ZNF609: variants seen among roughly 807,000 people sequenced by gnomAD.
The protein encoded by ZNF609 is zinc finger protein 609.
In ZNF609, 11 loss-of-function variants were observed where a neutral mutation model predicts 109.5. The observed-to-expected ratio is 0.10, with a 90% confidence interval of 0.06 to 0.17. ZNF609 has a LOEUF of 0.17. ZNF609 is among the 10% of genes least tolerant of loss of function. ZNF609 has a pLI of 1.00. For missense variants in ZNF609, 1,559 were observed against 1,772.4 expected, an observed-to-expected ratio of 0.88 and a Z score of 2.16; for synonymous variants, 646 against 662.0, an observed-to-expected ratio of 0.98 and a Z score of 0.37.
At chr15:64,566,995 A>C (rs1894786794) in intron 2 of ZNF609, among the ~76,000 whole-genome samples, 1 of 152,200 alleles carries the variant, frequency 6.6e-6, no homozygotes, top group Non-Finnish European at 1.5e-5. Context: ...TGACTCCTGG[A>C]AAGAGTGAAG....
intron 2 of ZNF609, among the ~76,000 whole-genome samples, chr15:64,561,778 C>T (rs973812881): frequency 2.0e-5 from 3 of 152,000 alleles, no homozygotes; most frequent in Non-Finnish European, 4.4e-5. Flanking sequence ...ACAGTATGGC[C>T]AAAAACCTAT....
chr15:64,519,632 G>A (rs531564105), intron 2 of ZNF609, among the ~76,000 whole-genome samples: 1 of 152,314 alleles, frequency 6.6e-6, no homozygotes, highest in African/African-American at 2.4e-5. Context: ...TATGAACAAT[G>A]GAAGAGTGAT....
rs146606741 is a variant in ZNF609, at chr15:64,488,212, C to T, written c.-127-11081C>T. On this transcript the variant is annotated intron_variant, in intron 1 of 9. Coordinates refer to ENST00000326648, the MANE Select transcript of ZNF609 (RefSeq NM_015042.2). Reference sequence around the variant, plus strand: ...TTTTCTGGAGAAAGGAATCCACACTCTGATCTAGTAGATTTGACAGCTGAC... The same window carrying T: ...TTTTCTGGAGAAAGGAATCCACACTTTGATCTAGTAGATTTGACAGCTGAC... Among the ~76,000 whole-genome samples the T allele has an allele frequency of 5.3e-5, 8 of 152,222 alleles. No individual in the cohort carries two copies. The East Asian group carries it at 1.5e-3, about 29-fold the overall frequency.
Position 64,500,049 on chromosome 15 carries a change from G to A in ZNF609, c.630G>A (p.Glu210=), listed in dbSNP as rs2140350840. 2.5e-6 allele frequency: 4 copies of A among 1,614,200 alleles called. No individual in the cohort carries two copies. The highest frequency in any genetic ancestry group is 3.4e-6 in the Non-Finnish European group (4 of 1,180,038). The change falls in exon 2 of 10, where the codon GAG becomes GAA. Residue 210 remains glutamate, a synonymous_variant. Coordinates refer to ENST00000326648, the MANE Select transcript of ZNF609 (RefSeq NM_015042.2). ...CAGGGGTGGATACAGGAGCTGTGGA[G>A]CCACTTGGGAGTATAGCTATTGAGC... ...GSAGVDTGAV[E]PLGSIAIEPG...
chr15:64,563,918 C>G (rs1027839437), intron 2 of ZNF609, among the ~76,000 whole-genome samples: 1 of 152,230 alleles, frequency 6.6e-6, no homozygotes, highest in East Asian at 1.9e-4. Flanking sequence ...GAGTCTCGCT[C>G]TGTCACCCAG....
At chr15:64,576,960 A>G (rs67797474) in intron 2 of ZNF609, among the ~76,000 whole-genome samples, 4 of 140,542 alleles carry the variant, frequency 2.8e-5, no homozygotes, top group African/African-American at 8.0e-5. Context: ...ATATATGTAT[A>G]TATACACATA....
rs547279093 is a variant in ZNF609 at position 64,500,037 on chromosome 15, A to G, written c.618A>G (p.Thr206=). Residue 206 remains threonine, a synonymous_variant, in exon 2 of 10, where the codon ACA becomes ACG. Coordinates refer to ENST00000326648, the MANE Select transcript of ZNF609 (RefSeq NM_015042.2). ...GQYDGSAGVD[T]GAVEPLGSIA... Reference sequence around the variant, plus strand: ...ATGATGGAAGTGCAGGGGTGGATACAGGAGCTGTGGAGCCACTTGGGAGTA... The same window carrying G: ...ATGATGGAAGTGCAGGGGTGGATACGGGAGCTGTGGAGCCACTTGGGAGTA... 7 of 1,614,172 alleles carry G rather than the reference A, an allele frequency of 4.3e-6. No homozygotes were observed. In the East Asian group the frequency reaches 1.3e-4, roughly 31 times the overall value.
intron 3 of ZNF609, among the ~76,000 whole-genome samples, chr15:64,625,571 T>C (rs1255291600): frequency 6.6e-6 from 1 of 151,946 alleles, no homozygotes; most frequent in African/African-American, 2.4e-5. Flanking sequence ...ATCTATGTCA[T>C]TGTCATTTCT....
intron 2 of ZNF609, among the ~76,000 whole-genome samples, chr15:64,602,151 T>C (rs1895507341): frequency 6.6e-6 from 1 of 152,236 alleles, no homozygotes; most frequent in African/African-American, 2.4e-5. Context: ...ACAGTTTAGC[T>C]TTTGGGCCCT....
At chr15:64,648,889 T>TA in intron 3 of ZNF609, among the ~76,000 whole-genome samples, 1 of 152,158 alleles carries the variant, frequency 6.6e-6, no homozygotes, top group Non-Finnish European at 1.5e-5. Flanking sequence ...GTCTGAATCT[T>TA]ACTTTAGTGG....
intron 2 of ZNF609, among the ~76,000 whole-genome samples, chr15:64,588,457 T>A (rs1895239133): frequency 2.9e-5 from 2 of 68,202 alleles, no homozygotes; most frequent in Non-Finnish European, 6.6e-5. Context: ...AGAGGAAGAC[T>A]GTACAGACTA....
chr15:64,571,104 G>T (rs72742925), intron 2 of ZNF609, among the ~76,000 whole-genome samples: 1 of 152,156 alleles, frequency 6.6e-6, no homozygotes, highest in African/African-American at 2.4e-5. Context: ...GATGCTAGAC[G>T]TAAGAGATGA....
At chr15:64,594,426 G>T (rs2140941448) in intron 2 of ZNF609, among the ~76,000 whole-genome samples, 1 of 151,384 alleles carries the variant, frequency 6.6e-6, no homozygotes, top group South Asian at 2.1e-4. Flanking sequence ...TCCACCTCCT[G>T]AGCTCAGGTG....
intron 1 of ZNF609, among the ~76,000 whole-genome samples, chr15:64,487,249 C>G (rs569594264): frequency 6.6e-6 from 1 of 152,158 alleles, no homozygotes; most frequent in East Asian, 1.9e-4. Flanking sequence ...TCCCTCCCAT[C>G]CTGTTATCTC....
At chr15:64,644,981 T>C (rs1028495505) in intron 3 of ZNF609, among the ~76,000 whole-genome samples, 5 of 139,578 alleles carry the variant, frequency 3.6e-5, no homozygotes, top group African/African-American at 6.2e-5. Flanking sequence ...CTTTCTTTCT[T>C]TTTCTTTCTT....
At chr15:64,569,770 A>T (rs1375142746) in intron 2 of ZNF609, among the ~76,000 whole-genome samples, 1 of 152,254 alleles carries the variant, frequency 6.6e-6, no homozygotes, top group African/African-American at 2.4e-5. Flanking sequence ...GAATGCATTG[A>T]TAAACCATCC....
chr15:64,514,974 G>T (rs779529294), intron 2 of ZNF609, among the ~76,000 whole-genome samples: 22 of 151,646 alleles, frequency 1.5e-4, no homozygotes, highest in Non-Finnish European at 2.1e-4. Context: ...TTAATTTTTT[G>T]TTGTTGTTGT....
intron 2 of ZNF609, among the ~76,000 whole-genome samples, chr15:64,618,419 AGGGT>A (rs1895832334): frequency 1.3e-5 from 2 of 152,248 alleles, no homozygotes; most frequent in East Asian, 3.9e-4. Context: ...TGTGTGTTAC[AGGGT>A]GCTCTTTTAG....
At chr15:64,666,055 A>G (rs1437320336) in intron 3 of ZNF609, among the ~76,000 whole-genome samples, 1 of 146,640 alleles carries the variant, frequency 6.8e-6, no homozygotes, top group Non-Finnish European at 1.5e-5. Context: ...ACCCTGGGCA[A>G]CAGAGCAAGA....
Sources: allele counts gnomAD v4.1 joint callset (sites outside exome capture counted in the v4.1 genomes callset), GRCh38; gene constraint gnomAD v4.1.1; transcripts MANE v1.5; gene names NCBI Gene and HGNC (gene_info 2026-07-23, HGNC 2026-07-21).